Variants in NAALADL2 observed in about 807,000 individuals in gnomAD.
The protein encoded by NAALADL2 is N-acetylated alpha-linked acidic dipeptidase like 2.
A neutral mutation model predicts 87.2 loss-of-function variants in NAALADL2; 76 were observed. The ratio of observed to expected loss-of-function variants is 0.87; its 90% CI spans 0.72 to 1.05. The LOEUF (loss-of-function observed/expected upper bound fraction) is 1.05, where lower values mean the gene tolerates loss of function less well. Among genes scored for constraint, NAALADL2 ranks in the 50% least tolerant of loss-of-function variants. The pLI is 0.00. For synonymous variants in NAALADL2, 354 were observed against 331.0 expected, an observed-to-expected ratio of 1.07 and a Z score of -0.75; for missense variants, 1,089 against 945.8, an observed-to-expected ratio of 1.15 and a Z score of -1.99.
At chr3:175,465,519 G>T (rs925132585) in intron 7 of NAALADL2, among the ~76,000 whole-genome samples, 18 of 144,866 alleles carry the variant, frequency 1.2e-4, no homozygotes, top group Non-Finnish European at 1.8e-4. Flanking sequence ...CTATCACGGG[G>T]CTGGAATGTA....
intron 5 of NAALADL2, among the ~76,000 whole-genome samples, chr3:175,326,172 G>C (rs986123886): frequency 3.3e-5 from 5 of 152,128 alleles, no homozygotes; most frequent in Non-Finnish European, 7.3e-5. Flanking sequence ...AAGCCCTACG[G>C]CATGGACACA....
intron 3 of NAALADL2, among the ~76,000 whole-genome samples, chr3:174,787,186 T>A (rs905181749): frequency 1.3e-5 from 2 of 152,044 alleles, no homozygotes; most frequent in African/African-American, 2.4e-5. Flanking sequence ...AGATTTGGAT[T>A]CTTTAGACAT....
chr3:174,736,258 C>T (rs143691390), intron 2 of NAALADL2, among the ~76,000 whole-genome samples: 19 of 152,240 alleles, frequency 1.2e-4, no homozygotes, highest in South Asian at 6.2e-4. Context: ...GGGCATGTTT[C>T]GGCCCTGTTA....
chr3:174,941,888 G>A (rs1356806421), intron 1 of NAALADL2, among the ~76,000 whole-genome samples: 24 of 151,932 alleles, frequency 1.6e-4, no homozygotes. Flanking sequence ...TTGAGCCTAT[G>A]GGTGTCATCA....
At chr3:175,259,679 ATTG>A (rs1178696560) in intron 4 of NAALADL2, among the ~76,000 whole-genome samples, 4 of 152,174 alleles carry the variant, frequency 2.6e-5, no homozygotes, top group Non-Finnish European at 5.9e-5. Flanking sequence ...ATGTTCTATA[ATTG>A]TTGTGTATTT....
chr3:174,765,140 ACAC>A (rs776797087), intron 3 of NAALADL2, among the ~76,000 whole-genome samples: 6,452 of 108,412 alleles, frequency 0.06, 143 homozygotes, highest in Middle Eastern at 0.13. Flanking sequence ...ACACACACAC[ACAC>A]GAGAGAGAGA....
At chr3:175,436,318 C>T (rs1308056979) in intron 5 of NAALADL2, among the ~76,000 whole-genome samples, 2 of 149,436 alleles carry the variant, frequency 1.3e-5, no homozygotes, top group African/African-American at 5.0e-5. Context: ...CATACGTGTG[C>T]ATGCGTCTTT....
At chr3:175,763,074 ACT>A (rs2150153985) in intron 13 of NAALADL2, among the ~76,000 whole-genome samples, 1 of 149,218 alleles carries the variant, frequency 6.7e-6, no homozygotes, top group East Asian at 1.9e-4. Flanking sequence ...ACACAGCAAG[ACT>A]CTGACTCAAA....
At chr3:174,854,504 T>C (rs957455593), upstream of NAALADL2, among the ~76,000 whole-genome samples, 2 of 152,152 alleles carry the variant, frequency 1.3e-5, no homozygotes, top group African/African-American at 4.8e-5. Context: ...CAGTAATTTA[T>C]TGTACATTTC....
At chr3:175,705,428 C>G (rs1739544287) in intron 11 of NAALADL2, among the ~76,000 whole-genome samples, 1 of 151,694 alleles carries the variant, frequency 6.6e-6, no homozygotes, top group South Asian at 2.1e-4. Context: ...CTAAAGGGAT[C>G]TTTTAGACAG....
chr3:175,740,297 A>G (rs1030561612), intron 12 of NAALADL2, among the ~76,000 whole-genome samples: 2 of 152,174 alleles, frequency 1.3e-5, no homozygotes, highest in Non-Finnish European at 2.9e-5. Context: ...AACAAACAAA[A>G]TCATTTTAGT....
At chr3:175,190,846 C>T (rs1362431489) in intron 2 of NAALADL2, among the ~76,000 whole-genome samples, 5 of 151,648 alleles carry the variant, frequency 3.3e-5, no homozygotes, top group South Asian at 2.1e-4. Context: ...GGCGTGGTGG[C>T]GGGCGCCTGT....
Position 174,644,553 on chromosome 3 carries a change from G to A in NAALADL2, c.-114-93088G>A, listed in dbSNP as rs986723767. 9.2e-5 allele frequency among the ~76,000 whole-genome samples: 14 copies of A among 152,188 alleles called. No individual in the cohort carries two copies. The South Asian group carries it at 1.5e-3, about 16-fold the overall frequency. ...AAACCATGTAGTTTAAACCCATGCA[G>A]TTTAAACCCAGGAGCCATGCAGTTT... On this transcript the variant is annotated intron_variant, in intron 2 of 3. Coordinates refer to the NAALADL2 transcript ENST00000434257.
intron 1 of NAALADL2, among the ~76,000 whole-genome samples, chr3:174,521,347 C>G (rs1400410552): frequency 6.6e-6 from 1 of 151,934 alleles, no homozygotes; most frequent in Non-Finnish European, 1.5e-5. Context: ...AGGCGGATCA[C>G]TTGAGGTCAG....
chr3:174,997,006 G>C (rs1016278884), intron 1 of NAALADL2, among the ~76,000 whole-genome samples: 1 of 126,202 alleles, frequency 7.9e-6, no homozygotes, highest in South Asian at 2.9e-4. Flanking sequence ...GTGTGTGTGT[G>C]TGTGTGTGTG....
intron 2 of NAALADL2, among the ~76,000 whole-genome samples, chr3:174,551,943 T>G (rs1489294237): frequency 6.6e-6 from 1 of 152,208 alleles, no homozygotes; most frequent in Non-Finnish European, 1.5e-5. Flanking sequence ...GCTACATTTA[T>G]GTATACTTGG....
intron 5 of NAALADL2, among the ~76,000 whole-genome samples, chr3:175,326,621 C>A (rs1393406820): frequency 2.0e-5 from 3 of 152,124 alleles, no homozygotes; most frequent in African/African-American, 4.8e-5. Flanking sequence ...AGATTTGTTT[C>A]TTACAGTTCA....
At chr3:174,826,978 A>G (rs1722069481) in intron 3 of NAALADL2, among the ~76,000 whole-genome samples, 1 of 152,014 alleles carries the variant, frequency 6.6e-6, no homozygotes, top group Admixed American at 6.5e-5. Context: ...AAGCACTCTT[A>G]TTATAACTAG....
At chr3:175,722,704 T>C (rs753374121) in intron 11 of NAALADL2, among the ~76,000 whole-genome samples, 5 of 152,128 alleles carry the variant, frequency 3.3e-5, no homozygotes, top group Non-Finnish European at 5.9e-5. Flanking sequence ...TTACCAGTAA[T>C]GCATAATATA....
Sources: allele counts gnomAD v4.1 joint callset (sites outside exome capture counted in the v4.1 genomes callset), GRCh38; gene constraint gnomAD v4.1.1; transcripts MANE v1.5; gene names NCBI Gene and HGNC (gene_info 2026-07-23, HGNC 2026-07-21).